The following PARD3 variants were observed in gnomAD, a reference collection of about 807,000 sequenced individuals.
The protein encoded by PARD3 is par-3 family cell polarity regulator.
A neutral mutation model predicts 155.4 loss-of-function variants in PARD3; 75 were observed. That is an observed-to-expected ratio of 0.48 (90% CI 0.40 to 0.58). PARD3 has a LOEUF of 0.58. Among genes scored for constraint, PARD3 ranks in the 20% least tolerant of loss-of-function variants. The pLI is 0.00. For synonymous variants in PARD3, 576 were observed against 610.5 expected, an observed-to-expected ratio of 0.94 and a Z score of 0.83; for missense variants, 1,642 against 1,721.7, an observed-to-expected ratio of 0.95 and a Z score of 0.82.
chr10:34,112,114 C>G (rs1946414268), intron 24 of PARD3, among the ~76,000 whole-genome samples: 1 of 152,204 alleles, frequency 6.6e-6, no homozygotes, highest in African/African-American at 2.4e-5. Context: ...ATAAAAAATG[C>G]AACAGGCAGT....
chr10:34,111,327 C>T lies in PARD3; in HGVS notation c.3904G>A (p.Glu1302Lys), dbSNP rs764602683. 9 of 1,613,806 alleles carry T rather than the reference C, an allele frequency of 5.6e-6. No individual in the cohort carries two copies. The East Asian group carries it at 6.7e-5, about 12-fold the overall frequency. ...TACGAGTCATAGTTGCTGGGCCCCT[C>T]GGAAGGAGGCTGCTTCTTCATCTGC... ...EQQMKKQPPS[E>K]GPSNYDSYKK... is the part of the protein sequence containing the mutation. Residue 1302 changes from glutamate (E) to lysine (K), a missense_variant, in exon 25 of 25, where the codon GAG becomes AAG. By Grantham distance (56) the Glu-to-Lys change is moderately conservative (BLOSUM62 1). Coordinates refer to ENST00000374788, the MANE Select transcript of PARD3 (RefSeq NM_001184785.2).
chr10:34,151,959 C>T (rs1948802391), intron 22 of PARD3, among the ~76,000 whole-genome samples: 1 of 152,104 alleles, frequency 6.6e-6, no homozygotes, highest in Admixed American at 6.5e-5. Flanking sequence ...ATATATAGTA[C>T]TAAGGAATTT....
intron 3 of PARD3, among the ~76,000 whole-genome samples, chr10:34,509,865 A>G (rs1256632118): frequency 2.0e-5 from 3 of 152,256 alleles, no homozygotes; most frequent in Non-Finnish European, 4.4e-5. Context: ...AAAAACTTCC[A>G]GGATGACAAA....
Position 34,697,744 on chromosome 10 carries a change from C to G in PARD3, c.121-1325G>C, listed in dbSNP as rs1223826805. Among the ~76,000 whole-genome samples the G allele has an allele frequency of 2.0e-5, 3 of 146,962 alleles. 1 individual carries two copies. On this transcript the variant is annotated intron_variant, in intron 1 of 24. Coordinates refer to ENST00000374788, the MANE Select transcript of PARD3 (RefSeq NM_001184785.2). ...TGAAAGGAATCATTTATCTAGAACA[C>G]AGAGAGTAAGTTTGTAAAACAAACA...
intron 7 of PARD3, among the ~76,000 whole-genome samples, chr10:34,389,532 G>C (rs139938476): frequency 3.3e-5 from 5 of 152,312 alleles, no homozygotes; most frequent in African/African-American, 9.6e-5. Flanking sequence ...CAAATTGGCT[G>C]AGTAAGTCTG....
chr10:34,170,791 T>C (rs1949750248), intron 22 of PARD3, among the ~76,000 whole-genome samples: 1 of 152,232 alleles, frequency 6.6e-6, no homozygotes, highest in Non-Finnish European at 1.5e-5. Context: ...AAACACCATC[T>C]AGACTAGTTC....
chr10:34,743,727 T>C (rs1054068511), intron 1 of PARD3, among the ~76,000 whole-genome samples: 1 of 152,150 alleles, frequency 6.6e-6, no homozygotes, highest in Non-Finnish European at 1.5e-5. Context: ...CCATTTCACA[T>C]GAAGATTGAA....
chr10:34,713,049 A>G (rs2094470026), intron 1 of PARD3, among the ~76,000 whole-genome samples: 1 of 152,024 alleles, frequency 6.6e-6, no homozygotes, highest in Non-Finnish European at 1.5e-5. Context: ...TCTCTACTAA[A>G]ATACAAAAAT....
At chr10:34,439,960 C>T (rs1289247172) in intron 5 of PARD3, among the ~76,000 whole-genome samples, 1 of 152,040 alleles carries the variant, frequency 6.6e-6, no homozygotes, top group Non-Finnish European at 1.5e-5. Context: ...GCTCATATAT[C>T]TACAGAAGTC....
intron 2 of PARD3, among the ~76,000 whole-genome samples, chr10:34,689,225 A>G (rs1460604562): frequency 6.6e-6 from 1 of 152,216 alleles, no homozygotes; most frequent in African/African-American, 2.4e-5. Context: ...AGTTGAAAAC[A>G]CTCCAGAATG....
At chr10:34,637,424 C>T (rs2092518151) in intron 2 of PARD3, among the ~76,000 whole-genome samples, 1 of 152,224 alleles carries the variant, frequency 6.6e-6, no homozygotes, top group Non-Finnish European at 1.5e-5. Flanking sequence ...AGCTCACCCC[C>T]ATCCACAAGT....
intron 14 of PARD3, among the ~76,000 whole-genome samples, chr10:34,358,344 C>T (rs1370774494): frequency 6.6e-6 from 1 of 152,058 alleles, no homozygotes; most frequent in African/African-American, 2.4e-5. Flanking sequence ...CTGTGTCCTC[C>T]TCACCCCTAA....
intron 4 of PARD3, among the ~76,000 whole-genome samples, chr10:34,469,357 C>T (rs935645242): frequency 1.3e-5 from 2 of 152,158 alleles, no homozygotes; most frequent in Non-Finnish European, 2.9e-5. Context: ...GTTCCACCTG[C>T]CTTGGACTCC....
At chr10:34,780,312 T>G (rs1280725233) in intron 1 of PARD3, among the ~76,000 whole-genome samples, 1 of 152,240 alleles carries the variant, frequency 6.6e-6, no homozygotes, top group Non-Finnish European at 1.5e-5. Context: ...AGTACTGGTT[T>G]ACGGCAGATG....
intron 24 of PARD3, among the ~76,000 whole-genome samples, chr10:34,119,219 G>A (rs189476533): frequency 1.3e-5 from 2 of 152,306 alleles, no homozygotes; most frequent in East Asian, 1.9e-4. Context: ...CTTTTATGGA[G>A]CTCTGGATTT....
intron 1 of PARD3, among the ~76,000 whole-genome samples, chr10:34,779,663 T>C (rs1241915963): frequency 2.6e-5 from 4 of 152,136 alleles, no homozygotes; most frequent in Non-Finnish European, 5.9e-5. Context: ...TATCACCAGC[T>C]TTTAAATTTT....
At chr10:34,690,477 A>C (rs1030174533) in intron 2 of PARD3, among the ~76,000 whole-genome samples, 3 of 152,204 alleles carry the variant, frequency 2.0e-5, no homozygotes, top group African/African-American at 7.2e-5. Flanking sequence ...AAATGGAAAC[A>C]GTAATTGGTA....
intron 1 of PARD3, among the ~76,000 whole-genome samples, chr10:34,783,633 T>C (rs1025184989): frequency 3.6e-5 from 5 of 139,104 alleles, no homozygotes; most frequent in African/African-American, 1.3e-4. Flanking sequence ...AAAAAAAGAA[T>C]GTAAGTCCTC....
At chr10:34,657,452 G>A (rs577212377) in intron 2 of PARD3, among the ~76,000 whole-genome samples, 2 of 152,268 alleles carry the variant, frequency 1.3e-5, no homozygotes, top group South Asian at 4.2e-4. Context: ...ATTCTCATTG[G>A]ATCTGTGTCC....
Sources: allele counts gnomAD v4.1 joint callset (sites outside exome capture counted in the v4.1 genomes callset), GRCh38; gene constraint gnomAD v4.1.1; transcripts MANE v1.5; gene names NCBI Gene and HGNC (gene_info 2026-07-23, HGNC 2026-07-21).